Variants in PXDNL observed in about 807,000 individuals in gnomAD.
PXDNL encodes probable oxidoreductase PXDNL.
PXDNL carries 145 observed loss-of-function variants against 150.8 expected under a neutral mutation model. The observed-to-expected ratio is 0.96, with a 90% CI of 0.84 to 1.10. The LOEUF is 1.10. Among genes scored for constraint, PXDNL ranks in the 50% least tolerant of loss-of-function variants. The pLI, the probability that PXDNL is intolerant of heterozygous loss-of-function variation, is 0.00. For missense variants in PXDNL, 2,087 were observed against 1,873.9 expected, an observed-to-expected ratio of 1.11 and a Z score of -2.10; for synonymous variants, 757 against 725.7, an observed-to-expected ratio of 1.04 and a Z score of -0.69.
chr8:51,753,175 C>T (rs7016577), intron 1 of PXDNL, among the ~76,000 whole-genome samples: 148,133 of 152,364 alleles, frequency 0.97, 72,148 homozygotes, highest in East Asian at 1. Context: ...ATATAGTTTC[C>T]GGAGAAATCA....
At chr8:51,435,509 T>G (rs1465795858) in intron 12 of PXDNL, 2 of 163,574 alleles carry the variant, frequency 1.2e-5, no homozygotes, top group Non-Finnish European at 2.9e-5. Flanking sequence ...TTAAAAAAAG[T>G]AATAAATTTG....
intron 4 of PXDNL, among the ~76,000 whole-genome samples, chr8:51,520,406 G>A (rs1275728994): frequency 4.6e-5 from 7 of 152,146 alleles, no homozygotes; most frequent in Non-Finnish European, 7.4e-5. Flanking sequence ...GGGCAGGGAA[G>A]TGACTGGGGC....
rs112539913 is a variant in PXDNL, at chr8:51,590,138, C to G, written c.308+2489G>C. 5.9e-3 allele frequency among the ~76,000 whole-genome samples: 900 copies of G among 152,224 alleles called. 3 individuals carry two copies. Among genetic ancestry groups the G allele is most frequent in the African/African-American group, 0.021 (852 of 41,534 alleles). The stretch of plus-strand genomic sequence containing the variant: ...CAGTGCATGACTCAGCCAACCCCAC[C>G]TATAGCCTAAGTGGGTTCCTGCAGT... On this transcript the variant is annotated intron_variant, in intron 3 of 22. Transcript: ENST00000356297.
intron 13 of PXDNL, among the ~76,000 whole-genome samples, chr8:51,426,427 G>A (rs1809100265): frequency 6.6e-6 from 1 of 151,022 alleles, no homozygotes; most frequent in African/African-American, 2.4e-5. Context: ...AAATTAGAAA[G>A]GATAAACCTT....
intron 19 of PXDNL, among the ~76,000 whole-genome samples, chr8:51,353,655 T>A (rs1411941853): frequency 6.6e-6 from 1 of 152,138 alleles, no homozygotes; most frequent in East Asian, 1.9e-4. Context: ...AGAATCTTTA[T>A]GAATATTTGA....
intron 17 of PXDNL, among the ~76,000 whole-genome samples, chr8:51,396,678 A>G (rs936235716): frequency 2.0e-5 from 3 of 152,166 alleles, no homozygotes; most frequent in Non-Finnish European, 4.4e-5. Context: ...GAAACGCTTG[A>G]ACGTGGGAGG....
intron 3 of PXDNL, among the ~76,000 whole-genome samples, chr8:51,577,970 A>G (rs1047239568): frequency 1.2e-4 from 13 of 106,800 alleles, no homozygotes; most frequent in South Asian, 3.2e-4. Flanking sequence ...AAAGAAAGAA[A>G]GAAAGAAAGA....
chr8:51,797,957 T>C (rs562442922), intron 1 of PXDNL, among the ~76,000 whole-genome samples: 2 of 152,272 alleles, frequency 1.3e-5, no homozygotes, highest in South Asian at 2.1e-4. Context: ...CAAAACAGCA[T>C]GGTACTGATA....
intron 1 of PXDNL, among the ~76,000 whole-genome samples, chr8:51,661,461 C>T (rs149850014): frequency 2.0e-5 from 3 of 152,266 alleles, no homozygotes; most frequent in African/African-American, 7.2e-5. Context: ...AAGCAGATCA[C>T]GCTCCACAAC....
At chr8:51,743,135 C>G (rs138893758) in intron 1 of PXDNL, among the ~76,000 whole-genome samples, 1 of 151,282 alleles carries the variant, frequency 6.6e-6, no homozygotes, top group South Asian at 2.1e-4. Flanking sequence ...AAAAGAATTG[C>G]CTTTAAAAGT....
chr8:51,764,232 T>A (rs2037199661), intron 1 of PXDNL, among the ~76,000 whole-genome samples: 1 of 152,100 alleles, frequency 6.6e-6, no homozygotes, highest in South Asian at 2.1e-4. Context: ...GATTTGTCAA[T>A]TTTTTGACCT....
chr8:51,468,348 G>C (rs951683826), intron 8 of PXDNL, among the ~76,000 whole-genome samples: 2 of 151,808 alleles, frequency 1.3e-5, no homozygotes, highest in South Asian at 4.1e-4. Flanking sequence ...TTTAAATTCA[G>C]GTGAATTACA....
chr8:51,695,225 T>A (rs573327816), intron 1 of PXDNL, among the ~76,000 whole-genome samples: 1 of 152,306 alleles, frequency 6.6e-6, no homozygotes, highest in African/African-American at 2.4e-5. Flanking sequence ...ATCAATATAG[T>A]TTTTTGCTTA....
In PXDNL at chr8:51,337,743, G is replaced by C. The variant is rs563728999; in HGVS notation, c.4146+1881C>G. On this transcript the variant is annotated intron_variant, in intron 21 of 22. Transcript: ENST00000356297. Reference sequence around the variant, plus strand: ...AATACAAAAATGAGCTGGGCATGGTGGTGGGCGCCTGTAGTCCCCCAGCTA... The same window carrying C: ...AATACAAAAATGAGCTGGGCATGGTCGTGGGCGCCTGTAGTCCCCCAGCTA... Among the ~76,000 whole-genome samples, 6 of 151,766 alleles carry C rather than the reference G, an allele frequency of 4.0e-5. No homozygotes were observed. In the East Asian group the frequency reaches 1.2e-3, roughly 29 times the overall value.
Position 51,729,413 on chromosome 8 carries a change from A to AT in PXDNL, c.165-74654_165-74653insA, listed in dbSNP as rs371760510. Reference sequence around the variant, plus strand: ...CATATGAAAATACGCTTAATATCATAGTCATTAGAAAGTTACAAATTAAAA... The same window carrying AT: ...CATATGAAAATACGCTTAATATCATATGTCATTAGAAAGTTACAAATTAAAA... On this transcript the variant is annotated intron_variant, in intron 1 of 22. Coordinates refer to ENST00000356297, the MANE Select transcript of PXDNL (RefSeq NM_144651.5). Among the ~76,000 whole-genome samples, 546 of 152,170 alleles carry AT rather than the reference A, an allele frequency of 3.6e-3. 5 individuals are homozygous for AT. Among genetic ancestry groups the AT allele is most frequent in the African/African-American group, 0.013 (519 of 41,400 alleles).
chr8:51,599,336 T>A (rs926051843), intron 2 of PXDNL, among the ~76,000 whole-genome samples: 1 of 152,002 alleles, frequency 6.6e-6, no homozygotes, highest in Admixed American at 6.6e-5. Context: ...GATTGTTAAT[T>A]TGAGATCTTC....
intron 1 of PXDNL, among the ~76,000 whole-genome samples, chr8:51,796,932 A>G (rs2037567547): frequency 2.0e-5 from 3 of 152,240 alleles, no homozygotes; most frequent in Admixed American, 1.3e-4. Context: ...TCAATAAAAT[A>G]CTGGCAAACC....
intron 2 of PXDNL, among the ~76,000 whole-genome samples, chr8:51,640,505 A>G (rs1814724335): frequency 6.6e-6 from 1 of 152,162 alleles, no homozygotes; most frequent in Non-Finnish European, 1.5e-5. Context: ...CTTCAGCAAA[A>G]TCTCAGGATA....
intron 3 of PXDNL, among the ~76,000 whole-genome samples, chr8:51,573,929 A>T (rs1812997667): frequency 6.6e-6 from 1 of 152,046 alleles, no homozygotes. Flanking sequence ...ACACAGACAC[A>T]GAGTAAAGAC....
Sources: allele counts gnomAD v4.1 joint callset (sites outside exome capture counted in the v4.1 genomes callset), GRCh38; gene constraint gnomAD v4.1.1; transcripts MANE v1.5; gene names NCBI Gene and HGNC (gene_info 2026-07-23, HGNC 2026-07-21).